Variants in PTPRN2 observed in about 807,000 individuals in gnomAD.
The protein encoded by PTPRN2 is receptor-type tyrosine-protein phosphatase N2.
PTPRN2 carries 74 observed loss-of-function variants against 118.8 expected under a neutral mutation model. The observed-to-expected ratio is 0.62, with a 90% CI of 0.52 to 0.76. PTPRN2 has a LOEUF of 0.76. PTPRN2 is among the 30% of genes least tolerant of loss of function. The pLI, the probability that PTPRN2 is intolerant of heterozygous loss-of-function variation, is 0.00. For synonymous variants in PTPRN2, 641 were observed against 608.0 expected (o/e 1.05, Z -0.80); for missense variants, 1,481 against 1,394.4 (o/e 1.06, Z -0.99).
At chr7:158,416,682 G>T (rs989493950) in intron 2 of PTPRN2, among the ~76,000 whole-genome samples, 1 of 152,306 alleles carries the variant, frequency 6.6e-6, no homozygotes, top group East Asian at 1.9e-4. Context: ...AAAGGCCAGG[G>T]GGCAGGAAAC....
chr7:158,322,888 CAG>C (rs1216533868), intron 2 of PTPRN2, among the ~76,000 whole-genome samples: 18 of 152,310 alleles, frequency 1.2e-4, no homozygotes, highest in Admixed American at 5.9e-4. Context: ...GGCGGGTAAA[CAG>C]AGCAGCCCCA....
chr7:157,979,481 T>C (rs1272555878), intron 11 of PTPRN2, among the ~76,000 whole-genome samples: 1 of 152,236 alleles, frequency 6.6e-6, no homozygotes, highest in Admixed American at 6.5e-5. Flanking sequence ...GTGTCCGCTA[T>C]GCACTGGTCA....
Position 157,609,721 on chromosome 7 carries a change from C to T in PTPRN2, c.2345-5646G>A, listed in dbSNP as rs546303042. 1.2e-4 allele frequency among the ~76,000 whole-genome samples: 18 copies of T among 152,294 alleles called. No homozygotes were observed. The highest frequency in any genetic ancestry group is 7.3e-5 in the Non-Finnish European group (5 of 68,032). ...CACAGCACTGTTGTGGTAAATGGCA[C>T]GCAGCAAGCAATGAGGAGCAAGGCT... On this transcript the variant is annotated intron_variant, in intron 15 of 22. Coordinates refer to ENST00000389418, the MANE Select transcript of PTPRN2 (RefSeq NM_002847.5). This position sits in a 1 kb window ranked among gnomAD's most constrained non-coding sequence, Gnocchi z 4.9.
Position 157,764,920 on chromosome 7 carries a change from GATCCATCCATATCC to G in PTPRN2, c.1789-81997_1789-81984del, listed in dbSNP as rs1039865741. On this transcript the variant is annotated intron_variant, in intron 12 of 22. Coordinates refer to ENST00000389418, the MANE Select transcript of PTPRN2 (RefSeq NM_002847.5). The surrounding 1 kb of genome is among the most constrained non-coding windows in gnomAD (Gnocchi z 4.5). ...CCATCTACCCATCCATCCATCCATT[GATCCATCCATATCC>G]ATCCATCCATATCCATCCATCCACC... 2.0e-4 allele frequency among the ~76,000 whole-genome samples: 28 copies of G among 138,440 alleles called. No individual in the cohort carries two copies. The highest frequency in any genetic ancestry group is 9.2e-4 in the East Asian group (4 of 4,342). 90.8% of individuals were successfully genotyped at this position (138,440 alleles called of 152,430 possible).
intron 1 of PTPRN2, among the ~76,000 whole-genome samples, chr7:158,498,845 C>A (rs1471907313): frequency 6.6e-6 from 1 of 152,066 alleles, no homozygotes; most frequent in Non-Finnish European, 1.5e-5. Flanking sequence ...TATAGTATGA[C>A]CCATGAAAGA....
chr7:158,083,727 A>G (rs1167537037), intron 10 of PTPRN2, among the ~76,000 whole-genome samples: 3 of 152,164 alleles, frequency 2.0e-5, no homozygotes, highest in Non-Finnish European at 4.4e-5. Flanking sequence ...CTCGGGGTAC[A>G]TCTCGCAGGC....
chr7:158,407,161 C>T lies in PTPRN2; in HGVS notation c.163+82574G>A, dbSNP rs572376545. Reference sequence around the variant, plus strand: ...GCGTCCTGCGTCCTGGGTCCTGGGTCCTGGGTCCTGCGTCCTGCGTCCTGG... The same window carrying T: ...GCGTCCTGCGTCCTGGGTCCTGGGTTCTGGGTCCTGCGTCCTGCGTCCTGG... On this transcript the variant is annotated intron_variant, in intron 2 of 22. Transcript: ENST00000389418. 1.1e-4 allele frequency among the ~76,000 whole-genome samples: 13 copies of T among 122,682 alleles called. No individual in the cohort carries two copies. The South Asian group carries it at 4.6e-3, about 43-fold the overall frequency. 80.5% of individuals were successfully genotyped at this position (122,682 alleles called of 152,430 possible). A position where few individuals can be genotyped will look rare whatever the true frequency, so the allele number is the denominator to read the frequency against.
intron 5 of PTPRN2, among the ~76,000 whole-genome samples, chr7:158,170,112 A>G (rs1304657903): frequency 6.6e-6 from 1 of 152,236 alleles, no homozygotes; most frequent in African/African-American, 2.4e-5. Context: ...AAGAAAGAGA[A>G]TATGTGAGAG....
At chr7:157,837,742 C>T (rs1316347355) in intron 12 of PTPRN2, among the ~76,000 whole-genome samples, 1 of 152,216 alleles carries the variant, frequency 6.6e-6, no homozygotes, top group African/African-American at 2.4e-5. Flanking sequence ...GGGCAGGACT[C>T]ACATCCTCCT....
intron 15 of PTPRN2, among the ~76,000 whole-genome samples, chr7:157,620,047 C>T (rs571113891): frequency 3.0e-4 from 45 of 152,292 alleles, no homozygotes; most frequent in Admixed American, 1.4e-3. Context: ...CAGAGACATG[C>T]GCAAGGGCCT....
intron 2 of PTPRN2, among the ~76,000 whole-genome samples, chr7:158,459,519 G>T (rs1042040175): frequency 6.6e-6 from 1 of 152,140 alleles, no homozygotes; most frequent in African/African-American, 2.4e-5. Context: ...ATACTGAGCC[G>T]CAAACCCATG....
chr7:157,592,166 C>G (rs1801016216), intron 17 of PTPRN2, among the ~76,000 whole-genome samples: 1 of 152,208 alleles, frequency 6.6e-6, no homozygotes, highest in African/African-American at 2.4e-5. Context: ...ATTTCAATTT[C>G]AAGAATATAT....
At chr7:158,532,134 G>C (rs896589237) in intron 1 of PTPRN2, among the ~76,000 whole-genome samples, 4 of 152,218 alleles carry the variant, frequency 2.6e-5, no homozygotes, top group African/African-American at 7.2e-5. Flanking sequence ...ATTAACAGAG[G>C]CTCCCTAAAG....
At chr7:157,871,641 G>C (rs1446383356) in intron 12 of PTPRN2, among the ~76,000 whole-genome samples, 1 of 151,846 alleles carries the variant, frequency 6.6e-6, no homozygotes, top group Non-Finnish European at 1.5e-5. Context: ...AAAGGCTTGA[G>C]GTACAGTATT....
intron 2 of PTPRN2, among the ~76,000 whole-genome samples, chr7:158,404,822 C>T (rs1393390790): frequency 2.8e-5 from 4 of 143,056 alleles, no homozygotes; most frequent in Non-Finnish European, 4.6e-5. Context: ...TCCCCGGCCC[C>T]CAGCTCCCCG....
At chr7:158,353,871 A>C (rs1808190386) in intron 2 of PTPRN2, among the ~76,000 whole-genome samples, 2 of 152,086 alleles carry the variant, frequency 1.3e-5, no homozygotes, top group East Asian at 3.9e-4. Context: ...ACCCATGGGG[A>C]GCATCCTGAG....
intron 11 of PTPRN2, among the ~76,000 whole-genome samples, chr7:157,908,229 T>C (rs959500732): frequency 6.6e-6 from 1 of 152,122 alleles, no homozygotes; most frequent in Non-Finnish European, 1.5e-5. Flanking sequence ...TGGGAGGGGC[T>C]GCACAGGCCG....
chr7:158,423,791 A>T (rs1275364284), intron 2 of PTPRN2, among the ~76,000 whole-genome samples: 1 of 152,106 alleles, frequency 6.6e-6, no homozygotes, highest in African/African-American at 2.4e-5. Context: ...GATTACAGGC[A>T]TGAGCCACCA....
chr7:158,176,504 G>A (rs1030440695), intron 5 of PTPRN2, among the ~76,000 whole-genome samples: 4 of 152,176 alleles, frequency 2.6e-5, no homozygotes, highest in African/African-American at 4.8e-5. Flanking sequence ...CAAACACGCC[G>A]AGTGAACAGA....
Sources: allele counts gnomAD v4.1 joint callset (sites outside exome capture counted in the v4.1 genomes callset), GRCh38; gene constraint gnomAD v4.1.1; non-coding constraint Gnocchi (gnomAD v3.1); transcripts MANE v1.5; gene names NCBI Gene and HGNC (gene_info 2026-07-23, HGNC 2026-07-21).